PLEKHA5: variants seen among roughly 807,000 people sequenced by gnomAD.
The protein encoded by PLEKHA5 is pleckstrin homology domain-containing family A member 5.
Under a neutral mutation model 181.9 loss-of-function variants are expected in PLEKHA5, and 55 were observed. That is an observed-to-expected ratio of 0.30 (90% confidence interval 0.24 to 0.38). The LOEUF is 0.38. Ranked by LOEUF, PLEKHA5 falls within the 10% of genes least tolerant of loss-of-function variation. The pLI, the probability that PLEKHA5 is intolerant of heterozygous loss-of-function variation, is 1.00. For missense variants in PLEKHA5, 1,432 were observed against 1,549.5 expected (o/e 0.92, Z 1.27); for synonymous variants, 535 against 529.4 (o/e 1.01, Z -0.15).
At chr12:19,151,315 A>C (rs1195163304) in intron 3 of PLEKHA5, 6 of 152,248 alleles carry the variant, frequency 3.9e-5, no homozygotes, top group Non-Finnish European at 8.8e-5. Flanking sequence ...ACTGTAGACT[A>C]GGTCAGGGAT....
In PLEKHA5 at chr12:19,250,788, T is replaced by C. The variant is rs182844712; in HGVS notation, c.228-3152T>C. 2.0e-3 allele frequency among the ~76,000 whole-genome samples: 308 copies of C among 152,294 alleles called. 1 individual carries two copies. The highest frequency in any genetic ancestry group is 7.0e-3 in the African/African-American group (292 of 41,564). On this transcript the variant is annotated intron_variant, in intron 3 of 31. Coordinates refer to ENST00000429027, the MANE Select transcript of PLEKHA5 (RefSeq NM_001256470.2). ...TAATGCATTTTTAATAGGATAGTGA[T>C]ATGTTAGTTTGTAATTTAGTAGTGC...
intron 7 of PLEKHA5, among the ~76,000 whole-genome samples, chr12:19,263,378 G>A (rs924124204): frequency 6.6e-6 from 1 of 152,142 alleles, no homozygotes; most frequent in Admixed American, 6.5e-5. Flanking sequence ...CAGGCACTCT[G>A]ACTCCAGAGC....
At chr12:19,175,471 A>G (rs1223574083) in intron 3 of PLEKHA5, among the ~76,000 whole-genome samples, 1 of 152,224 alleles carries the variant, frequency 6.6e-6, no homozygotes, top group African/African-American at 2.4e-5. Flanking sequence ...TTAAGAGAAA[A>G]AAAGCAAGTT....
At chr12:19,279,822 T>C (rs1037228368) in intron 11 of PLEKHA5, among the ~76,000 whole-genome samples, 11 of 152,034 alleles carry the variant, frequency 7.2e-5, no homozygotes, top group Non-Finnish European at 1.6e-4. Context: ...CTGTCTTGAT[T>C]TTTGATCAAC....
intron 12 of PLEKHA5, among the ~76,000 whole-genome samples, chr12:19,284,332 G>T (rs2076786366): frequency 6.6e-6 from 1 of 152,148 alleles, no homozygotes; most frequent in Non-Finnish European, 1.5e-5. Flanking sequence ...GCCTCCCAAA[G>T]TGCTGAGATT....
intron 26 of PLEKHA5, among the ~76,000 whole-genome samples, chr12:19,355,703 A>G (rs1216563805): frequency 1.3e-5 from 2 of 152,138 alleles, no homozygotes; most frequent in African/African-American, 2.4e-5. Context: ...AATAATTATC[A>G]TGGAATAAAG....
intron 20 of PLEKHA5, among the ~76,000 whole-genome samples, chr12:19,327,562 GT>G (rs770951128): frequency 1.3e-5 from 2 of 150,586 alleles, no homozygotes; most frequent in Non-Finnish European, 3.0e-5. Flanking sequence ...TCCATTGATA[GT>G]TTCTTTTGCT....
chr12:19,313,103 G>A (rs541644788), intron 15 of PLEKHA5, among the ~76,000 whole-genome samples: 21 of 152,198 alleles, frequency 1.4e-4, no homozygotes, highest in African/African-American at 4.1e-4. Context: ...TCTCTTATGA[G>A]CGAGGTTCCT....
At chr12:19,316,776 A>C (rs1286421577) in intron 16 of PLEKHA5, among the ~76,000 whole-genome samples, 1 of 152,224 alleles carries the variant, frequency 6.6e-6, no homozygotes, top group Non-Finnish European at 1.5e-5. Context: ...AACTGTGTTT[A>C]TAAATTTGCA....
intron 3 of PLEKHA5, among the ~76,000 whole-genome samples, chr12:19,245,590 TGGTGGCAGGCGCC>T (rs1198156025): frequency 1.3e-5 from 2 of 151,452 alleles, no homozygotes; most frequent in African/African-American, 2.4e-5. Context: ...TAGCCGGGCG[TGGTGGCAGGCGCC>T]TGTAATCCCA....
At position 19,235,452 on chromosome 12, in the gene PLEKHA5, T is replaced by C. The variant is rs565760981; in HGVS notation, c.228-18488T>C. On this transcript the variant is annotated intron_variant, in intron 3 of 31. Coordinates refer to ENST00000429027, the MANE Select transcript of PLEKHA5 (RefSeq NM_001256470.2). Reference sequence around the variant, plus strand: ...TAAAGGGCATGAACTGTAGAAGAAATACAGTCAGCCACTAAATGTCAGTCA... The same window carrying C: ...TAAAGGGCATGAACTGTAGAAGAAACACAGTCAGCCACTAAATGTCAGTCA... Among the ~76,000 whole-genome samples, 8 of 152,312 alleles carry C rather than the reference T, an allele frequency of 5.3e-5. No homozygotes were observed. In the East Asian group the frequency reaches 1.5e-3, roughly 29 times the overall value.
At chr12:19,319,531 A>G (rs12824784) in intron 16 of PLEKHA5, 14,607 of 155,996 alleles carry the variant, frequency 0.094, 766 homozygotes, top group Middle Eastern at 0.19. Context: ...TGCGTATATG[A>G]AATTTAATTT....
At chr12:19,224,938 C>T (rs1223998977) in intron 3 of PLEKHA5, among the ~76,000 whole-genome samples, 1 of 152,066 alleles carries the variant, frequency 6.6e-6, no homozygotes, top group Non-Finnish European at 1.5e-5. Context: ...GAGGTCAAGG[C>T]TATAGTGTGC....
intron 7 of PLEKHA5, among the ~76,000 whole-genome samples, chr12:19,263,693 C>T (rs1233248414): frequency 2.0e-5 from 3 of 152,136 alleles, no homozygotes; most frequent in Non-Finnish European, 2.9e-5. Flanking sequence ...GAGATTCTTA[C>T]GGCTCTTGTC....
chr12:19,167,201 T>A (rs1447092712), intron 3 of PLEKHA5, among the ~76,000 whole-genome samples: 5 of 152,152 alleles, frequency 3.3e-5, no homozygotes, highest in Non-Finnish European at 1.5e-5. Flanking sequence ...CAGATTGTTC[T>A]GGGAGCTAAG....
At chr12:19,270,263 G>A (rs1011225094) in intron 10 of PLEKHA5, 58 bp downstream of exon 10, 1 of 925,312 alleles carries the variant, frequency 1.1e-6, no homozygotes, top group Non-Finnish European at 1.6e-6. Context: ...CTTTGAGATA[G>A]TGTTTTTAAG....
chr12:19,305,545 C>T (rs2083030035), intron 15 of PLEKHA5, among the ~76,000 whole-genome samples: 1 of 111,406 alleles, frequency 9.0e-6, no homozygotes, highest in African/African-American at 3.5e-5. Flanking sequence ...TGGGTGACAG[C>T]GAGACTGTGT....
chr12:19,131,710 A>G (rs1252293138), intron 2 of PLEKHA5, among the ~76,000 whole-genome samples: 2 of 149,558 alleles, frequency 1.3e-5, no homozygotes, highest in Non-Finnish European at 3.0e-5. Context: ...CTTTGCTTGG[A>G]CTCTGGTTTT....
At chr12:19,179,962 G>A (rs2048181045) in intron 3 of PLEKHA5, among the ~76,000 whole-genome samples, 2 of 152,190 alleles carry the variant, frequency 1.3e-5, no homozygotes, top group African/African-American at 2.4e-5. Flanking sequence ...AGCTTCCTGA[G>A]TATCTAGGAC....
Sources: allele counts gnomAD v4.1 joint callset (sites outside exome capture counted in the v4.1 genomes callset), GRCh38; gene constraint gnomAD v4.1.1; transcripts MANE v1.5; gene names NCBI Gene and HGNC (gene_info 2026-07-23, HGNC 2026-07-21).